KCNJ6: variants seen among roughly 807,000 people sequenced by gnomAD.
The protein encoded by KCNJ6 is potassium inwardly rectifying channel subfamily J member 6.
In KCNJ6, 9 loss-of-function variants were observed where a neutral mutation model predicts 34.2. That is an observed-to-expected ratio of 0.26 (90% confidence interval 0.16 to 0.46). KCNJ6 has a LOEUF of 0.46. Among genes scored for constraint, KCNJ6 ranks in the 20% least tolerant of loss-of-function variants. The pLI, the probability that KCNJ6 is intolerant of heterozygous loss-of-function variation, is 1.00. For synonymous variants in KCNJ6, 196 were observed against 207.1 expected (o/e 0.95, Z 0.46); for missense variants, 236 against 531.3 (o/e 0.44, Z 5.46).
Position 37,736,924 on chromosome 21 carries a change from C to T in KCNJ6, c.26-21793G>A, listed in dbSNP as rs558693276. ...ATAATACTTTTATGCAACTTAGACACGAGTTGCTGCGCTGGGCTGTTGCAG... is the reference window on the plus strand; with the variant it reads ...ATAATACTTTTATGCAACTTAGACATGAGTTGCTGCGCTGGGCTGTTGCAG... On this transcript the variant is annotated intron_variant, in intron 2 of 3. Transcript: ENST00000609713. 1.2e-4 allele frequency among the ~76,000 whole-genome samples: 18 copies of T among 152,316 alleles called. 2 individuals are homozygous for T. The highest frequency in any genetic ancestry group is 4.3e-4 in the African/African-American group (18 of 41,566).
At chr21:37,730,991 G>A (rs1424376922) in intron 2 of KCNJ6, among the ~76,000 whole-genome samples, 1 of 152,192 alleles carries the variant, frequency 6.6e-6, no homozygotes. Flanking sequence ...ACTTGCTGAA[G>A]CTTACATGTC....
rs571618566 is a variant in KCNJ6, at chr21:37,650,023, A to G, written c.947-24539T>C. On this transcript the variant is annotated intron_variant, in intron 3 of 3. Transcript: ENST00000609713. ...TGTGATTCACCCACCTCAGCCTCCC[A>G]AAGTGCTGGGATTACAGGTGTGAAC... Among the ~76,000 whole-genome samples the G allele has an allele frequency of 5.3e-5, 8 of 151,688 alleles. 1 individual carries two copies. In the South Asian group the frequency reaches 1.7e-3, roughly 32 times the overall value.
At chr21:37,755,465 TCAAAACCAAAA>T (rs1305759707) in intron 2 of KCNJ6, among the ~76,000 whole-genome samples, 1 of 151,972 alleles carries the variant, frequency 6.6e-6, no homozygotes, top group East Asian at 1.9e-4. Flanking sequence ...GAATTCAAAG[TCAAAACCAAAA>T]CAAAACTAAA....
At chr21:37,691,160 T>C (rs1031849563) in intron 3 of KCNJ6, among the ~76,000 whole-genome samples, 3 of 152,170 alleles carry the variant, frequency 2.0e-5, no homozygotes, top group African/African-American at 7.2e-5. Context: ...ATAATTGAAT[T>C]GTGTGGGGCT....
At chr21:37,643,802 AG>A (rs760574499) in intron 3 of KCNJ6, among the ~76,000 whole-genome samples, 7 of 152,200 alleles carry the variant, frequency 4.6e-5, no homozygotes, top group Non-Finnish European at 8.8e-5. Context: ...CTGAAGGCAG[AG>A]GGTTACTAGA....
At chr21:37,874,794 A>G (rs987363044) in intron 1 of KCNJ6, among the ~76,000 whole-genome samples, 1 of 152,020 alleles carries the variant, frequency 6.6e-6, no homozygotes, top group African/African-American at 2.4e-5. Flanking sequence ...TTCACATTCG[A>G]TCTCTTAGAA....
rs568032948 is a variant in KCNJ6 at position 37,641,115 on chromosome 21, C to A, written c.947-15631G>T. On this transcript the variant is annotated intron_variant, in intron 3 of 3. Transcript: ENST00000609713. ...TATCCAGTGCTCACCCCATCAGAATCTTTTTCACCAAATTGTAACTGTCAA... is the reference window on the plus strand; with the variant it reads ...TATCCAGTGCTCACCCCATCAGAATATTTTTCACCAAATTGTAACTGTCAA... Among the ~76,000 whole-genome samples, 4 of 152,320 alleles carry A rather than the reference C, an allele frequency of 2.6e-5. No individual in the cohort carries two copies. In the South Asian group the frequency reaches 8.3e-4, roughly 32 times the overall value.
At chr21:37,739,703 T>A (rs894286419) in intron 2 of KCNJ6, among the ~76,000 whole-genome samples, 1 of 152,070 alleles carries the variant, frequency 6.6e-6, no homozygotes, top group Non-Finnish European at 1.5e-5. Flanking sequence ...AATTTGTGCC[T>A]GATTGGAGAA....
chr21:37,776,819 T>C (rs2055144983), intron 2 of KCNJ6, among the ~76,000 whole-genome samples: 1 of 152,198 alleles, frequency 6.6e-6, no homozygotes, highest in Non-Finnish European at 1.5e-5. Context: ...CTTTTTTTGT[T>C]GTGTCTCTGC....
intron 2 of KCNJ6, among the ~76,000 whole-genome samples, chr21:37,753,459 G>A (rs183684795): frequency 1.3e-5 from 2 of 152,056 alleles, no homozygotes; most frequent in East Asian, 1.9e-4. Flanking sequence ...TGTTCTGTTC[G>A]CACATCAAGA....
intron 2 of KCNJ6, among the ~76,000 whole-genome samples, chr21:37,716,411 G>A (rs546034557): frequency 4.1e-5 from 6 of 145,716 alleles, no homozygotes; most frequent in African/African-American, 1.0e-4. Context: ...ATAGGGTCTC[G>A]CTCTGCCACC....
chr21:37,852,448 A>G (rs923713098), intron 1 of KCNJ6, among the ~76,000 whole-genome samples: 2 of 152,162 alleles, frequency 1.3e-5, no homozygotes, highest in Admixed American at 6.5e-5. Flanking sequence ...GCCCCCTCCT[A>G]TCCCAGCCAG....
chr21:37,630,158 G>GTGTGTGTGTGT (rs1556010880), intron 3 of KCNJ6, among the ~76,000 whole-genome samples: 6 of 145,798 alleles, frequency 4.1e-5, no homozygotes, highest in Non-Finnish European at 6.1e-5. Flanking sequence ...GTGTGTGTGT[G>GTGTGTGTGTGT]GTGTTTATGT....
chr21:37,647,533 G>A (rs568362658), intron 3 of KCNJ6, among the ~76,000 whole-genome samples: 6 of 152,082 alleles, frequency 3.9e-5, no homozygotes, highest in Non-Finnish European at 8.8e-5. Context: ...TGGCTCCAGG[G>A]TCCATACCCC....
chr21:37,760,946 G>C (rs2055057967), intron 2 of KCNJ6, among the ~76,000 whole-genome samples: 1 of 152,196 alleles, frequency 6.6e-6, no homozygotes, highest in African/African-American at 2.4e-5. Context: ...AGCTCAGAGA[G>C]GCACATGTGG....
At chr21:37,701,100 A>G (rs1471431143) in intron 3 of KCNJ6, among the ~76,000 whole-genome samples, 2 of 152,242 alleles carry the variant, frequency 1.3e-5, no homozygotes, top group Non-Finnish European at 2.9e-5. Context: ...AGGAGGACAC[A>G]GCTGCCTGGG....
intron 2 of KCNJ6, among the ~76,000 whole-genome samples, chr21:37,759,963 G>A (rs535739701): frequency 1.3e-5 from 2 of 152,142 alleles, no homozygotes; most frequent in Admixed American, 6.6e-5. Context: ...ATGCTACATC[G>A]TGATGACACT....
intron 2 of KCNJ6, among the ~76,000 whole-genome samples, chr21:37,834,002 C>CTCCA (rs2055439711): frequency 1.3e-5 from 2 of 152,166 alleles, no homozygotes; most frequent in South Asian, 4.1e-4. Flanking sequence ...CTTTCTTGTC[C>CTCCA]TCCACTACAT....
chr21:37,855,860 A>G (rs959962081), intron 1 of KCNJ6, among the ~76,000 whole-genome samples: 5 of 152,200 alleles, frequency 3.3e-5, no homozygotes. Flanking sequence ...TGAGGAAGAA[A>G]AAATGACTCT....
Sources: gnomAD v4.1 joint callset for allele counts (sites outside exome capture counted in the v4.1 genomes callset) on GRCh38, gnomAD v4.1.1 for gene constraint, MANE v1.5 for transcripts, NCBI Gene and HGNC (gene_info 2026-07-23, HGNC 2026-07-21) for gene names.